Variants in LDAH observed in about 807,000 individuals in gnomAD.
The protein encoded by LDAH is lipid droplet-associated hydrolase.
A neutral mutation model predicts 29.6 loss-of-function variants in LDAH; 26 were observed. The observed-to-expected ratio is 0.88, with a 90% CI of 0.64 to 1.22. LDAH has a LOEUF of 1.22. Among genes scored for constraint, LDAH ranks in the 50% most tolerant of loss-of-function variants. The pLI is 0.00. For missense variants in LDAH, 344 were observed against 387.3 expected (o/e 0.89, Z 0.94); for synonymous variants, 117 against 133.0 (o/e 0.88, Z 0.83).
rs576912241 is a variant in LDAH, at chr2:20,685,844, T to A, written c.*1059A>T. On this transcript the variant is annotated 3_prime_UTR_variant, in exon 7 of 7. Transcript: ENST00000237822. ...AATTCACATAACTTAATGGCTGGGTTTGGTTCATTAACAAAATAATTTCTT... is the reference window on the plus strand; with the variant it reads ...AATTCACATAACTTAATGGCTGGGTATGGTTCATTAACAAAATAATTTCTT... 1.0e-5 allele frequency: 6 copies of A among 591,356 alleles called. No individual in the cohort carries two copies. The South Asian group carries it at 2.7e-4, about 27-fold the overall frequency. 36.6% of individuals were successfully genotyped at this position (591,356 alleles called of 1,614,324 possible). A position where few individuals can be genotyped will look rare whatever the true frequency, so the allele number is the denominator to read the frequency against.
Position 20,685,435 on chromosome 2 carries a change from TC to T in LDAH, c.*1467del. 7.3e-7 allele frequency: 1 copy of T among 1,378,868 alleles called. No homozygotes were observed. 85.4% of individuals were successfully genotyped at this position (1,378,868 alleles called of 1,614,324 possible). ...TACGGCCTATGTATCTATTAGCTCT[TC>T]CCCTTGGGCTAACAGCACTCCTTGT... On this transcript the variant is annotated 3_prime_UTR_variant, in exon 7 of 7. Transcript: ENST00000237822.
chr2:20,796,880 A>T (rs1179855293), intron 2 of LDAH, among the ~76,000 whole-genome samples: 1 of 152,214 alleles, frequency 6.6e-6, no homozygotes, highest in African/African-American at 2.4e-5. Context: ...AAAAAACAGT[A>T]GTCAGGAAGC....
intron 6 of LDAH, among the ~76,000 whole-genome samples, chr2:20,690,841 G>T (rs1175658203): frequency 1.3e-5 from 2 of 152,070 alleles, no homozygotes; most frequent in African/African-American, 2.4e-5. Context: ...GAGAGCAATG[G>T]CCAGGCTCTG....
At chr2:20,704,654 C>T (rs1176555228) in intron 5 of LDAH, among the ~76,000 whole-genome samples, 1 of 152,194 alleles carries the variant, frequency 6.6e-6, no homozygotes, top group Admixed American at 6.5e-5. Context: ...AACACGTTAT[C>T]TCTGGTTGAT....
chr2:20,723,712 C>G (rs1036248670), intron 5 of LDAH, among the ~76,000 whole-genome samples: 1 of 151,994 alleles, frequency 6.6e-6, no homozygotes, highest in East Asian at 1.9e-4. Flanking sequence ...AATAATAATA[C>G]CAAATAGAAG....
chr2:20,740,056 CTTGA>C lies in LDAH; in HGVS notation c.614_617del (p.Ile205SerfsTer4). 1 of 1,614,098 alleles carries C rather than the reference CTTGA, an allele frequency of 6.2e-7. No homozygotes were observed. The highest frequency in any genetic ancestry group is 8.5e-7 in the Non-Finnish European group (1 of 1,179,984). The stretch of plus-strand genomic sequence containing the variant: ...GAAGGCCCCTTCTGATTAGCAAGGA[CTTGA>C]TTGTCTCAGGACACGGTTTCAATAA... On this transcript the variant is annotated frameshift_variant, in exon 5 of 7. Coordinates refer to ENST00000237822, the MANE Select transcript of LDAH (RefSeq NM_021925.4). LOFTEE classifies it high-confidence loss of function.
intron 1 of LDAH, among the ~76,000 whole-genome samples, chr2:20,808,143 C>T (rs765929843): frequency 6.6e-6 from 1 of 152,006 alleles, no homozygotes; most frequent in Non-Finnish European, 1.5e-5. Flanking sequence ...TGTGCAAGAC[C>T]TCTACACAGA....
At chr2:20,749,681 A>C (rs1325067898) in intron 4 of LDAH, among the ~76,000 whole-genome samples, 2 of 152,206 alleles carry the variant, frequency 1.3e-5, no homozygotes, top group South Asian at 2.1e-4. Flanking sequence ...CAAATCCATC[A>C]GTTAGGGCAG....
chr2:20,810,986 T>G (rs645150), intron 1 of LDAH, among the ~76,000 whole-genome samples: 24,411 of 151,426 alleles, frequency 0.16, 4,821 homozygotes, highest in African/African-American at 0.47. Flanking sequence ...TTCCACAAAA[T>G]GGGTCCCTGG....
intron 3 of LDAH, among the ~76,000 whole-genome samples, chr2:20,786,719 C>T (rs1011426252): frequency 6.6e-6 from 1 of 152,078 alleles, no homozygotes; most frequent in Admixed American, 6.6e-5. Context: ...ATGATTAAAC[C>T]TCAGTCTTTC....
chr2:20,753,540 G>A (rs1274017563), intron 4 of LDAH, among the ~76,000 whole-genome samples: 1 of 152,200 alleles, frequency 6.6e-6, no homozygotes, highest in African/African-American at 2.4e-5. Flanking sequence ...TCGTTTGTTG[G>A]TGGGTATAAG....
rs560232776 is a variant in LDAH, at chr2:20,816,074, A to T, written c.-3+6963T>A. On this transcript the variant is annotated intron_variant, in intron 1 of 6. Transcript: ENST00000237822. ...AGGCAATAAAAGTATCCCTTGTGAT[A>T]AGTTGTTACATCTATTGTTATACCC... 4.6e-5 allele frequency among the ~76,000 whole-genome samples: 7 copies of T among 152,214 alleles called. No individual in the cohort carries two copies. In the East Asian group the frequency reaches 1.3e-3, roughly 29 times the overall value.
At chr2:20,716,588 G>A (rs1355982193) in intron 5 of LDAH, among the ~76,000 whole-genome samples, 1 of 139,616 alleles carries the variant, frequency 7.2e-6, no homozygotes, top group East Asian at 2.1e-4. Context: ...GGGGTGGGGG[G>A]TTGGGGGAGG....
At chr2:20,736,080 C>T (rs572403203) in intron 5 of LDAH, among the ~76,000 whole-genome samples, 2 of 152,274 alleles carry the variant, frequency 1.3e-5, no homozygotes, top group South Asian at 4.1e-4. Context: ...TCAATCTTTG[C>T]AGGCATGACT....
At chr2:20,744,644 G>A (rs1667445592) in intron 4 of LDAH, among the ~76,000 whole-genome samples, 1 of 152,136 alleles carries the variant, frequency 6.6e-6, no homozygotes, top group Non-Finnish European at 1.5e-5. Context: ...GAAGAGCACA[G>A]TGCTCTGGCA....
At chr2:20,760,775 T>C (rs1404666954) in intron 4 of LDAH, among the ~76,000 whole-genome samples, 2 of 152,200 alleles carry the variant, frequency 1.3e-5, no homozygotes, top group African/African-American at 4.8e-5. Flanking sequence ...CAATCTTAGG[T>C]ATGTAAATCA....
rs200487302 is a variant in LDAH, at chr2:20,690,203, ACACC to A, written c.787-3113_787-3110del. Reference sequence around the variant, plus strand: ...TGATCAACATGGATTAAGGGACCCGACACCCACCTCAGGGTATCAAGAGACAAAT... The same window carrying A: ...TGATCAACATGGATTAAGGGACCCGACACCTCAGGGTATCAAGAGACAAAT... On this transcript the variant is annotated intron_variant, in intron 6 of 6. Coordinates refer to ENST00000237822, the MANE Select transcript of LDAH (RefSeq NM_021925.4). 6.2e-3 allele frequency among the ~76,000 whole-genome samples: 950 copies of A among 152,300 alleles called. 8 individuals are homozygous for A. Among genetic ancestry groups the A allele is most frequent in the African/African-American group, 0.021 (887 of 41,562 alleles).
intron 1 of LDAH, among the ~76,000 whole-genome samples, chr2:20,817,599 G>C (rs554515323): frequency 6.6e-6 from 1 of 152,166 alleles, no homozygotes; most frequent in East Asian, 1.9e-4. Context: ...ATATCAACAA[G>C]CTAAAGAAGT....
At chr2:20,701,716 A>G in intron 5 of LDAH, 64 bp from the exon 6 acceptor site, 2 of 1,400,572 alleles carry the variant, frequency 1.4e-6, no homozygotes, top group Non-Finnish European at 2.0e-6. Flanking sequence ...ATTTCAAATT[A>G]ATTTTAGTAA....
Sources: allele counts gnomAD v4.1 joint callset (sites outside exome capture counted in the v4.1 genomes callset), GRCh38; gene constraint gnomAD v4.1.1; transcripts MANE v1.5; gene names NCBI Gene and HGNC (gene_info 2026-07-23, HGNC 2026-07-21).